Variants in TIAM2 observed in about 807,000 individuals in gnomAD.
TIAM2 encodes rho guanine nucleotide exchange factor TIAM2.
A neutral mutation model predicts 152.9 loss-of-function variants in TIAM2; 80 were observed. That is an observed-to-expected ratio of 0.52 (90% CI 0.44 to 0.63). The LOEUF is 0.63. TIAM2 is among the 30% of genes least tolerant of loss of function. The probability of loss-of-function intolerance (pLI) is 0.00; values close to 1 mark genes in which losing one functional copy is unlikely to be tolerated. For missense variants in TIAM2, 1,965 were observed against 2,120.1 expected (o/e 0.93, Z 1.44); for synonymous variants, 804 against 838.0 (o/e 0.96, Z 0.70).
chr6:155,239,446 T>G (rs1782924753), intron 15 of TIAM2, among the ~76,000 whole-genome samples: 1 of 151,108 alleles, frequency 6.6e-6, no homozygotes, highest in Non-Finnish European at 1.5e-5. Context: ...TGAAGTGGGG[T>G]GGAGATGTGA....
At chr6:155,017,256 G>T (rs1451177543) in intron 1 of TIAM2, among the ~76,000 whole-genome samples, 1 of 152,112 alleles carries the variant, frequency 6.6e-6, no homozygotes, top group Non-Finnish European at 1.5e-5. Flanking sequence ...AAACTGAGGG[G>T]CAAGGGGCTT....
rs116584627 is a variant in TIAM2 at position 155,081,181 on chromosome 6, A to G, written c.-208-9108A>G. 6.8e-3 allele frequency among the ~76,000 whole-genome samples: 1,035 copies of G among 152,300 alleles called. 13 individuals are homozygous for G. Among genetic ancestry groups the G allele is most frequent in the African/African-American group, 0.023 (961 of 41,556 alleles). On this transcript the variant is annotated intron_variant, in intron 1 of 26. Transcript: ENST00000682666. ...CATTTGTGGCAGCCTATAGCATTAG[A>G]GCCTTTGAGAACAGATCTTTCCAGA... is the stretch of plus-strand genomic sequence containing the variant.
At chr6:155,070,822 G>T (rs932240617) in intron 1 of TIAM2, among the ~76,000 whole-genome samples, 5 of 152,136 alleles carry the variant, frequency 3.3e-5, no homozygotes, top group Non-Finnish European at 5.9e-5. Context: ...CTTTATTTAT[G>T]TGTGTCTACA....
At chr6:155,109,295 G>T (rs918668936) in intron 2 of TIAM2, among the ~76,000 whole-genome samples, 2 of 152,092 alleles carry the variant, frequency 1.3e-5, no homozygotes, top group Non-Finnish European at 2.9e-5. Context: ...TCAGCTTTTA[G>T]ATTTAGAAAA....
rs1316872430 is a variant in TIAM2 at position 155,090,315 on chromosome 6, C to A, written c.-182C>A. ...GCTCTGTGTATGAATGACAAGGATACCTTCAGCCAGCTCATTCTGGATGAA... is the reference window on the plus strand; with the variant it reads ...GCTCTGTGTATGAATGACAAGGATAACTTCAGCCAGCTCATTCTGGATGAA... On this transcript the variant is annotated 5_prime_UTR_variant, in exon 2 of 27. Coordinates refer to ENST00000682666, the MANE Select transcript of TIAM2 (RefSeq NM_012454.4). 1 of 152,176 alleles carries A rather than the reference C, an allele frequency of 6.6e-6. No individual in the cohort carries two copies. The highest frequency in any genetic ancestry group is 1.5e-5 in the Non-Finnish European group (1 of 68,028). The allele number at this position is 152,176 out of a possible 1,614,324, so 9.4% of individuals were successfully genotyped here.
rs141413133 is a variant in TIAM2 at position 155,198,855 on chromosome 6, T to TCC, written c.3065-12349_3065-12348insCC. ...CCGAGGTCTCCATCAGTGGCACATGTGTGGAGGGCACCCTGGGATGGCCCA... is the reference window on the plus strand; with the variant it reads ...CCGAGGTCTCCATCAGTGGCACATGTCCGTGGAGGGCACCCTGGGATGGCCCA... On this transcript the variant is annotated intron_variant, in intron 14 of 26. Coordinates refer to ENST00000682666, the MANE Select transcript of TIAM2 (RefSeq NM_012454.4). Among the ~76,000 whole-genome samples, 635 of 152,102 alleles carry TCC rather than the reference T, an allele frequency of 4.2e-3. 2 individuals are homozygous for TCC. The highest frequency in any genetic ancestry group is 0.015 in the African/African-American group (616 of 41,498).
chr6:155,137,148 T>C, intron 4 of TIAM2, 29 bp from the exon 5 acceptor site: 1 of 1,602,136 alleles, frequency 6.2e-7, no homozygotes, highest in South Asian at 1.1e-5. Flanking sequence ...CCGTAAGCTC[T>C]GATGGGTGAT....
At chr6:155,056,167 CTT>C (rs763205169) in intron 1 of TIAM2, among the ~76,000 whole-genome samples, 96 of 98,600 alleles carry the variant, frequency 9.7e-4, no homozygotes, top group African/African-American at 3.3e-3. Flanking sequence ...TATTGTTCTT[CTT>C]TTTTTTTTTT....
chr6:155,030,206 G>T (rs574904663), intron 1 of TIAM2, among the ~76,000 whole-genome samples: 50 of 152,218 alleles, frequency 3.3e-4, no homozygotes, highest in Admixed American at 8.5e-4. Flanking sequence ...GGAGGAGAGG[G>T]AGGCAAGATA....
chr6:155,155,197 G>A (rs957981899), intron 7 of TIAM2, among the ~76,000 whole-genome samples: 1 of 151,158 alleles, frequency 6.6e-6, no homozygotes, highest in Non-Finnish European at 1.5e-5. Flanking sequence ...TATTTTTTAA[G>A]GCAGAGTCTT....
rs576245405 is a variant in TIAM2, at chr6:155,211,560, A to T, written c.3168+253A>T. Among the ~76,000 whole-genome samples, 11 of 152,314 alleles carry T rather than the reference A, an allele frequency of 7.2e-5. No individual in the cohort carries two copies. In the South Asian group the frequency reaches 2.3e-3, roughly 32 times the overall value. On this transcript the variant is annotated intron_variant, in intron 15 of 26. Transcript: ENST00000682666. The stretch of plus-strand genomic sequence containing the variant: ...CTGGTATGCCATCAAAGAGCAGTGC[A>T]CACTCTGCTGTTCATATATTGTGCT...
At position 155,211,284 on chromosome 6, in the gene TIAM2, G is replaced by C; in HGVS notation, c.3145G>C (p.Glu1049Gln). ...DGTLDQVSHR[E>Q]KMEQTFRSAE... ...CACTCTGGATCAGGTTTCCCACAGG[G>C]AGAAAATGGAGCAGACATTCAGGGT... is the stretch of plus-strand genomic sequence containing the variant. Residue 1049 changes from glutamate to glutamine, a missense_variant, in exon 15 of 27, where the codon GAG becomes CAG. Physicochemically the swap from Glu to Gln is conservative, Grantham distance 29. Coordinates refer to ENST00000682666, the MANE Select transcript of TIAM2 (RefSeq NM_012454.4). 1.2e-6 allele frequency: 2 copies of C among 1,613,382 alleles called. No homozygotes were observed. The highest frequency in any genetic ancestry group is 2.2e-5 in the South Asian group (2 of 91,044).
At chr6:155,248,852 G>T (rs1313689518) in intron 20 of TIAM2, among the ~76,000 whole-genome samples, 1 of 152,174 alleles carries the variant, frequency 6.6e-6, no homozygotes, top group Non-Finnish European at 1.5e-5. Flanking sequence ...AACCATAGGT[G>T]ATAAAATTTA....
intron 1 of TIAM2, among the ~76,000 whole-genome samples, chr6:155,062,420 T>G (rs1043702075): frequency 2.0e-5 from 3 of 152,186 alleles, no homozygotes; most frequent in Non-Finnish European, 4.4e-5. Flanking sequence ...TGCTAAACTG[T>G]TTTCCAAAGT....
At chr6:155,229,631 G>A (rs1203432384) in intron 15 of TIAM2, among the ~76,000 whole-genome samples, 1 of 152,258 alleles carries the variant, frequency 6.6e-6, no homozygotes, top group African/African-American at 2.4e-5. Flanking sequence ...TTAGTCTCAA[G>A]CACATTCTGA....
At chr6:155,175,763 T>C (rs1158564746) in intron 9 of TIAM2, among the ~76,000 whole-genome samples, 2 of 152,242 alleles carry the variant, frequency 1.3e-5, no homozygotes, top group Non-Finnish European at 2.9e-5. Context: ...ATTTTTGTTA[T>C]GAATTACAAA....
intron 9 of TIAM2, among the ~76,000 whole-genome samples, chr6:155,167,094 G>C (rs1043719932): frequency 2.0e-5 from 3 of 152,168 alleles, no homozygotes; most frequent in Non-Finnish European, 4.4e-5. Flanking sequence ...GTTAGAGGTG[G>C]TGGAGAGTGG....
intron 15 of TIAM2, among the ~76,000 whole-genome samples, chr6:155,222,630 CACAAA>C (rs1193594378): frequency 2.6e-5 from 2 of 78,200 alleles, no homozygotes; most frequent in Admixed American, 1.8e-4. Flanking sequence ...AAAAAAAAAA[CACAAA>C]AAAAACCATG....
At chr6:155,202,586 C>CT (rs34052608) in intron 14 of TIAM2, among the ~76,000 whole-genome samples, 10,720 of 133,940 alleles carry the variant, frequency 0.08, 676 homozygotes, top group Admixed American at 0.19. Flanking sequence ...ACCTGGATAA[C>CT]TTTTTTTTTT....
Sources: gnomAD v4.1 joint callset for allele counts (sites outside exome capture counted in the v4.1 genomes callset) on GRCh38, gnomAD v4.1.1 for gene constraint, MANE v1.5 for transcripts, NCBI Gene and HGNC (gene_info 2026-07-23, HGNC 2026-07-21) for gene names.